BIRC6: variants seen among roughly 807,000 people sequenced by gnomAD.
BIRC6 encodes dual E2 ubiquitin-conjugating enzyme/E3 ubiquitin-protein ligase BIRC6.
Under a neutral mutation model 503.3 loss-of-function variants are expected in BIRC6, and 98 were observed. The ratio of observed to expected loss-of-function variants is 0.19; its 90% CI spans 0.17 to 0.23. The LOEUF (loss-of-function observed/expected upper bound fraction) is 0.23. BIRC6 is among the 10% of genes least tolerant of loss of function. The probability of loss-of-function intolerance (pLI) is 1.00; values close to 1 mark genes in which losing one functional copy is unlikely to be tolerated. For missense variants in BIRC6, 5,360 were observed against 5,806.0 expected (o/e 0.92, Z 2.50); for synonymous variants, 2,240 against 2,078.7 (o/e 1.08, Z -2.11).
chr2:32,433,340 G>A (rs1436674623), intron 12 of BIRC6, among the ~76,000 whole-genome samples: 1 of 152,164 alleles, frequency 6.6e-6, no homozygotes, highest in African/African-American at 2.4e-5. Flanking sequence ...CCTACTCATA[G>A]ATCTAGGGTG....
In BIRC6 at chr2:32,482,640, A is replaced by G. The variant is rs80071639; in HGVS notation, c.7696+58A>G. 1,462 of 1,581,876 alleles carry G rather than the reference A, an allele frequency of 9.2e-4. 18 individuals carry two copies. In the African/African-American group the frequency reaches 0.014, roughly 16 times the overall value. On this transcript the variant is annotated intron_variant, in intron 39 of 73. Coordinates refer to ENST00000421745, the MANE Select transcript of BIRC6 (RefSeq NM_016252.4). The stretch of plus-strand genomic sequence containing the variant: ...TATTCTTAAAACAAGTCTGTCATTT[A>G]TGTATACTTTGTCCCTTGAGAAGTT...
At chr2:32,544,577 A>G (rs993689404) in intron 62 of BIRC6, among the ~76,000 whole-genome samples, 3 of 151,166 alleles carry the variant, frequency 2.0e-5, no homozygotes, top group Non-Finnish European at 3.0e-5. Context: ...TTAAAATCAC[A>G]TGGTTTTGAT....
intron 64 of BIRC6, among the ~76,000 whole-genome samples, chr2:32,548,428 G>A (rs2058206186): frequency 6.8e-6 from 1 of 146,630 alleles, no homozygotes; most frequent in Admixed American, 6.9e-5. Context: ...GAGTGCAGTG[G>A]CGTGATCTCA....
At chr2:32,385,772 T>C (rs769356866) in intron 3 of BIRC6, among the ~76,000 whole-genome samples, 8 of 152,244 alleles carry the variant, frequency 5.3e-5, no homozygotes, top group Admixed American at 4.6e-4. Flanking sequence ...GGCAACCTTA[T>C]ATGTTTCTTG....
chr2:32,599,850 A>G lies in BIRC6; in HGVS notation c.13942A>G (p.Thr4648Ala). Reference protein sequence around the residue: ...SSPPLVNLETTGGHSVRFNPN... With the variant: ...SSPPLVNLETAGGHSVRFNPN... Reference sequence around the variant, plus strand: ...ACCCCCTCTTGTGAATCTAGAGACAACTGGTGGTCATAGCGTGCGATTCAA... The same window carrying G: ...ACCCCCTCTTGTGAATCTAGAGACAGCTGGTGGTCATAGCGTGCGATTCAA... Residue 4648 changes from threonine (T) to alanine (A), a missense_variant, in exon 70 of 74, where the codon ACT becomes GCT. Thr to Ala is a moderately conservative substitution (Grantham distance 58). This residue lies in a region of BIRC6 where 66 missense variants were observed against 113.2 expected (regional missense o/e 0.58). Coordinates refer to ENST00000421745, the MANE Select transcript of BIRC6 (RefSeq NM_016252.4). The G allele has an allele frequency of 6.2e-7, 1 of 1,613,920 alleles. No homozygotes were observed. Among genetic ancestry groups the G allele is most frequent in the Non-Finnish European group, 8.5e-7 (1 of 1,179,850 alleles).
At chr2:32,512,746 C>G (rs577329499) in intron 53 of BIRC6, among the ~76,000 whole-genome samples, 187 bp from the exon 54 acceptor site, 1 of 152,244 alleles carries the variant, frequency 6.6e-6, no homozygotes, top group Non-Finnish European at 1.5e-5. Context: ...AAAATTGGAA[C>G]TGGAACTAGT....
At position 32,446,540 on chromosome 2, in the gene BIRC6, G is replaced by GATTCACC. The variant is rs953129169; in HGVS notation, c.4484+878_4484+879insCATTCAC. Among the ~76,000 whole-genome samples, 54 of 152,076 alleles carry GATTCACC rather than the reference G, an allele frequency of 3.6e-4. 1 individual carries two copies. The highest frequency in any genetic ancestry group is 1.3e-3 in the African/African-American group (52 of 41,406). On this transcript the variant is annotated intron_variant, in intron 21 of 73. Coordinates refer to ENST00000421745, the MANE Select transcript of BIRC6 (RefSeq NM_016252.4). ...TTTGTACTTGAGGCTATGTCGTAAT[G>GATTCACC]ATTCACGGGAGAGAATGGTGCCTGA...
intron 59 of BIRC6, chr2:32,528,201 C>G (rs537870020): frequency 6.6e-6 from 1 of 152,210 alleles, no homozygotes; most frequent in Non-Finnish European, 1.5e-5. Context: ...GACTGAAAGC[C>G]TGCTGTTGTT....
At chr2:32,369,946 ATATATATATATATATATATATAT>A (rs2035618041) in intron 1 of BIRC6, among the ~76,000 whole-genome samples, 1 of 28,424 alleles carries the variant, frequency 3.5e-5, no homozygotes, top group African/African-American at 1.8e-4. Context: ...AAAAAAAAAA[ATATATATATATATATATATATAT>A]ATATATATAT....
chr2:32,467,303 A>T (rs975975237), intron 26 of BIRC6, among the ~76,000 whole-genome samples: 12 of 152,030 alleles, frequency 7.9e-5, no homozygotes, highest in Non-Finnish European at 1.5e-4. Flanking sequence ...AGCTACTCTT[A>T]ATTTTCTACT....
At chr2:32,580,773 T>A (rs1010636325) in intron 66 of BIRC6, among the ~76,000 whole-genome samples, 1 of 152,200 alleles carries the variant, frequency 6.6e-6, no homozygotes, top group African/African-American at 2.4e-5. Flanking sequence ...TCCTACTGTT[T>A]TGGGGGACTG....
intron 10 of BIRC6, among the ~76,000 whole-genome samples, chr2:32,421,231 C>G (rs1009929046): frequency 6.6e-6 from 1 of 151,490 alleles, no homozygotes; most frequent in Non-Finnish European, 1.5e-5. Flanking sequence ...CTCAGCCTCC[C>G]GAGTAGCTGG....
At chr2:32,593,694 C>T (rs555725415) in intron 66 of BIRC6, among the ~76,000 whole-genome samples, 1 of 152,210 alleles carries the variant, frequency 6.6e-6, no homozygotes, top group South Asian at 2.1e-4. Context: ...GGATCTTTTA[C>T]AGTATGACAT....
At chr2:32,614,182 AC>A (rs1481447592) in intron 73 of BIRC6, among the ~76,000 whole-genome samples, 1 of 152,162 alleles carries the variant, frequency 6.6e-6, no homozygotes, top group African/African-American at 2.4e-5. Context: ...CCTGGTCAGT[AC>A]TAGGTCCTGT....
intron 65 of BIRC6, among the ~76,000 whole-genome samples, chr2:32,568,844 C>G (rs1439401305): frequency 7.7e-6 from 1 of 130,016 alleles, no homozygotes; most frequent in Admixed American, 7.9e-5. Flanking sequence ...AACTCAGTCT[C>G]AAAAAAAAAA....
At chr2:32,508,303 T>TTTTTTTTTTTGTTG (rs1261646792) in intron 51 of BIRC6, 44 bp downstream of exon 51, 1 of 1,274,856 alleles carries the variant, frequency 7.8e-7, no homozygotes, top group Non-Finnish European at 1.0e-6. Context: ...TTTTTTTTTT[T>TTTTTTTTTTTGTTG]GGCATGGTTG....
chr2:32,443,465 A>G (rs767779447), intron 19 of BIRC6, 26 bp from the exon 20 acceptor site: 23 of 1,523,232 alleles, frequency 1.5e-5, no homozygotes, highest in Non-Finnish European at 1.2e-5. Context: ...ATGTCTTTAC[A>G]ATTTTTCTTT....
Position 32,515,715 on chromosome 2 carries a change from C to A in BIRC6, c.11294C>A (p.Ala3765Glu), listed in dbSNP as rs2054957007. 6.2e-7 allele frequency: 1 copy of A among 1,601,868 alleles called. No homozygotes were observed. The highest frequency in any genetic ancestry group is 1.3e-5 in the African/African-American group (1 of 74,908). ...QRTAIENATVAFFLQCISCHP... is the reference protein window; with the variant it reads ...QRTAIENATVEFFLQCISCHP... ...ACAGCAATTGAGAATGCAACTGTTG[C>A]GTTCTTTCTACAGTGCATTTCATGC... is the stretch of plus-strand genomic sequence containing the variant. The change falls in exon 55 of 74, where the codon GCG (alanine) becomes GAG (glutamate). Residue 3765 changes from alanine (A) to glutamate (E), a missense_variant. By Grantham distance (107) the Ala-to-Glu change is moderately radical. Coordinates refer to ENST00000421745, the MANE Select transcript of BIRC6 (RefSeq NM_016252.4).
chr2:32,430,337 G>A (rs531671250), intron 11 of BIRC6, among the ~76,000 whole-genome samples: 1 of 152,242 alleles, frequency 6.6e-6, no homozygotes, highest in South Asian at 2.1e-4. Flanking sequence ...TAGCATGTAT[G>A]CAAGATTTTC....
Sources: allele counts gnomAD v4.1 joint callset (sites outside exome capture counted in the v4.1 genomes callset), GRCh38; gene constraint gnomAD v4.1.1; regional missense constraint gnomAD v4.1.1; transcripts MANE v1.5; gene names NCBI Gene and HGNC (gene_info 2026-07-23, HGNC 2026-07-21).